GRIK2: variants seen among roughly 807,000 people sequenced by gnomAD.
GRIK2 encodes the protein glutamate ionotropic receptor kainate type subunit 2.
GRIK2 carries 32 observed loss-of-function variants against 100.3 expected under a neutral mutation model. That is an observed-to-expected ratio of 0.32 (90% CI 0.24 to 0.43). The LOEUF (loss-of-function observed/expected upper bound fraction) is 0.43, where lower values mean the gene tolerates loss of function less well. Ranked by LOEUF, GRIK2 falls within the 20% of genes least tolerant of loss-of-function variation. The pLI is 1.00. For missense variants in GRIK2, 843 were observed against 1,114.9 expected (o/e 0.76, Z 3.47); for synonymous variants, 417 against 389.4 (o/e 1.07, Z -0.83).
intron 12 of GRIK2, chr6:101,890,479 A>G (rs778234068): frequency 6.6e-6 from 1 of 152,288 alleles, no homozygotes; most frequent in Non-Finnish European, 1.5e-5. Flanking sequence ...CCTATAATCC[A>G]AACACTTTGG....
chr6:101,590,885 C>T (rs538293988), intron 2 of GRIK2, among the ~76,000 whole-genome samples: 1 of 152,004 alleles, frequency 6.6e-6, no homozygotes, highest in East Asian at 1.9e-4. Context: ...ATTTTTCCTG[C>T]TTCAATTATT....
chr6:101,848,624 A>G (rs1032630635), intron 10 of GRIK2, among the ~76,000 whole-genome samples: 10 of 152,144 alleles, frequency 6.6e-5, no homozygotes, highest in Admixed American at 3.3e-4. Flanking sequence ...TTAGAAAATC[A>G]TGGTAATTTA....
At chr6:101,846,015 TTTG>T (rs964514520) in intron 10 of GRIK2, among the ~76,000 whole-genome samples, 7 of 152,052 alleles carry the variant, frequency 4.6e-5, no homozygotes, top group Admixed American at 2.6e-4. Flanking sequence ...TTGTTTTTTT[TTTG>T]TTGTTGTTGT....
At chr6:101,578,246 T>C (rs1469022503) in intron 2 of GRIK2, among the ~76,000 whole-genome samples, 1 of 152,110 alleles carries the variant, frequency 6.6e-6, no homozygotes, top group African/African-American at 2.4e-5. Context: ...TTAGAAGAAA[T>C]GAACAAGAGA....
intron 7 of GRIK2, among the ~76,000 whole-genome samples, chr6:101,734,723 T>C (rs1775516154): frequency 6.6e-6 from 1 of 152,100 alleles, no homozygotes; most frequent in Admixed American, 6.6e-5. Flanking sequence ...TGGGAACTTG[T>C]CCTAAGGAAA....
At chr6:101,538,263 A>T (rs539215432) in intron 2 of GRIK2, among the ~76,000 whole-genome samples, 25 of 151,844 alleles carry the variant, frequency 1.6e-4, no homozygotes, top group African/African-American at 5.8e-4. Context: ...TTCCAGGCAC[A>T]CATATAAATT....
At position 101,490,108 on chromosome 6, in the gene GRIK2, A is replaced by AT. The variant is rs572216498; in HGVS notation, c.115+90722dup. Reference sequence around the variant, plus strand: ...TACAGCATGGTCTTTATTTACAACAATTTTTTACTCTTTACAGAAGAATGA... The same window carrying AT: ...TACAGCATGGTCTTTATTTACAACAATTTTTTTACTCTTTACAGAAGAATGA... On this transcript the variant is annotated intron_variant, in intron 2 of 16. Transcript: ENST00000369134. 1.6e-4 allele frequency among the ~76,000 whole-genome samples: 23 copies of AT among 146,470 alleles called. 2 individuals carry two copies. In the South Asian group the frequency reaches 5.0e-3, roughly 32 times the overall value.
At position 101,802,451 on chromosome 6, in the gene GRIK2, G is replaced by C. The variant is rs542632846; in HGVS notation, c.1203+13G>C. The C allele has an allele frequency of 8.6e-7, 1 of 1,165,610 alleles. No homozygotes were observed. Among genetic ancestry groups the C allele is most frequent in the Admixed American group, 2.1e-5 (1 of 47,378 alleles). The allele number at this position is 1,165,610 out of a possible 1,614,324, so 72.2% of individuals were successfully genotyped here. On this transcript the variant is annotated intron_variant, in intron 9 of 16. Transcript: ENST00000369134. Reference sequence around the variant, plus strand: ...AGGTCTAGAAAAGGTATTTCAGTGAGCTTATTTGCTTTAATTACTAAATGA... The same window carrying C: ...AGGTCTAGAAAAGGTATTTCAGTGACCTTATTTGCTTTAATTACTAAATGA...
intron 14 of GRIK2, among the ~76,000 whole-genome samples, chr6:101,956,810 AATT>A (rs1410610442): frequency 2.0e-5 from 3 of 147,778 alleles, no homozygotes; most frequent in African/African-American, 2.4e-5. Context: ...TATCAATAAA[AATT>A]ATACATATCT....
chr6:101,831,242 G>C (rs1345610206), intron 10 of GRIK2, among the ~76,000 whole-genome samples: 1 of 151,854 alleles, frequency 6.6e-6, no homozygotes, highest in Non-Finnish European at 1.5e-5. Context: ...TTTTTTTCCA[G>C]ACAATAAAAC....
intron 10 of GRIK2, among the ~76,000 whole-genome samples, chr6:101,840,520 T>C (rs2128433961): frequency 6.6e-6 from 1 of 152,346 alleles, no homozygotes; most frequent in Non-Finnish European, 1.5e-5. Context: ...TACAGACTTC[T>C]TCCTCTCATA....
At chr6:101,642,519 T>G (rs1034775306) in intron 4 of GRIK2, among the ~76,000 whole-genome samples, 15 of 151,788 alleles carry the variant, frequency 9.9e-5, no homozygotes, top group African/African-American at 3.6e-4. Flanking sequence ...TTATTTCACT[T>G]AAAATAGTAT....
chr6:101,627,036 A>G (rs1336113761), intron 4 of GRIK2, among the ~76,000 whole-genome samples: 2 of 151,960 alleles, frequency 1.3e-5, no homozygotes, highest in African/African-American at 4.8e-5. Context: ...CATGTATTCA[A>G]AAACAATTTA....
chr6:101,676,479 T>G, intron 4 of GRIK2, 144 bp from the exon 5 acceptor site: 2 of 493,798 alleles, frequency 4.1e-6, no homozygotes, highest in South Asian at 8.8e-5. Context: ...CTCATGTAGT[T>G]TATAATATAC....
intron 12 of GRIK2, among the ~76,000 whole-genome samples, chr6:101,911,296 G>A (rs2791770): frequency 0.85 from 128,160 of 151,388 alleles, 54,454 homozygotes; most frequent in East Asian, 0.94. Flanking sequence ...TTACAAAACT[G>A]TTTGCCTCAT....
In GRIK2 at chr6:102,035,456, C is replaced by A; in HGVS notation, c.2201C>A (p.Ala734Asp). 2 of 1,608,190 alleles carry A rather than the reference C, an allele frequency of 1.2e-6. No homozygotes were observed. The highest frequency in any genetic ancestry group is 1.7e-6 in the Non-Finnish European group (2 of 1,175,518). Residue 734 changes from alanine (A) to aspartate (D), a missense_variant, in exon 15 of 17, where the codon GCT becomes GAT. Ala to Asp is a moderately radical substitution (Grantham distance 126). This residue lies in a region of GRIK2 where 237 missense variants were observed against 388.0 expected (regional missense o/e 0.61). Coordinates refer to ENST00000369134, the MANE Select transcript of GRIK2 (RefSeq NM_021956.5). ...GIQRVLTSDYAFLMESTTIEF... is the reference protein window; with the variant it reads ...GIQRVLTSDYDFLMESTTIEF... ...CAGCGAGTCCTCACCTCTGATTATGCTTTCCTAATGGAGTCAACAACCATC... is the reference window on the plus strand; with the variant it reads ...CAGCGAGTCCTCACCTCTGATTATGATTTCCTAATGGAGTCAACAACCATC...
intron 10 of GRIK2, among the ~76,000 whole-genome samples, chr6:101,823,010 T>G (rs1407833403): frequency 6.6e-6 from 1 of 152,214 alleles, no homozygotes; most frequent in East Asian, 1.9e-4. Flanking sequence ...GCTAGAACTT[T>G]GTGATGCCCT....
intron 12 of GRIK2, among the ~76,000 whole-genome samples, chr6:101,923,145 ATCT>A (rs1404870044): frequency 6.6e-6 from 1 of 152,180 alleles, no homozygotes; most frequent in Non-Finnish European, 1.5e-5. Context: ...GATTTGTTTA[ATCT>A]TCTGAATTTT....
At chr6:101,894,515 G>C (rs1474909536) in intron 12 of GRIK2, among the ~76,000 whole-genome samples, 1 of 151,612 alleles carries the variant, frequency 6.6e-6, no homozygotes, top group East Asian at 1.9e-4. Context: ...AAGAAATCTT[G>C]TCCGGGATGG....
Sources: gnomAD v4.1 joint callset for allele counts (sites outside exome capture counted in the v4.1 genomes callset) on GRCh38, gnomAD v4.1.1 for gene constraint, gnomAD v4.1.1 regional missense constraint, MANE v1.5 for transcripts, NCBI Gene and HGNC (gene_info 2026-07-23, HGNC 2026-07-21) for gene names.